Variants in NDUFA10 observed in about 807,000 individuals in gnomAD.
NDUFA10 encodes NADH:ubiquinone oxidoreductase subunit A10.
Under a neutral mutation model 47.8 loss-of-function variants are expected in NDUFA10, and 40 were observed. The ratio of observed to expected loss-of-function variants is 0.84; its 90% CI spans 0.65 to 1.09. The LOEUF (loss-of-function observed/expected upper bound fraction) is 1.09, where lower values mean the gene tolerates loss of function less well. Among genes scored for constraint, NDUFA10 ranks in the 50% least tolerant of loss-of-function variants. The pLI, the probability that NDUFA10 is intolerant of heterozygous loss-of-function variation, is 0.00. For missense variants in NDUFA10, 413 were observed against 451.1 expected, an observed-to-expected ratio of 0.92 and a Z score of 0.76; for synonymous variants, 183 against 172.2, an observed-to-expected ratio of 1.06 and a Z score of -0.49.
At chr2:239,940,922 A>G (rs755780427) in intron 4 of NDUFA10, among the ~76,000 whole-genome samples, 3 of 152,202 alleles carry the variant, frequency 2.0e-5, no homozygotes, top group Non-Finnish European at 4.4e-5. Flanking sequence ...GTAGAATCCA[A>G]TAACCTTGAG....
rs187239178 is a variant in NDUFA10, at chr2:239,917,560, G to A, written c.295-22246C>T. ...ATGGAATAAGCCATGCTAGGCACGA[G>A]AGAAAAACCTAGATAACGGACATCT... On this transcript the variant is annotated intron_variant, in intron 4 of 5. Coordinates refer to the NDUFA10 transcript ENST00000419408. Among the ~76,000 whole-genome samples the A allele has an allele frequency of 1.2e-4, 18 of 152,330 alleles. No homozygotes were observed. In the East Asian group the frequency reaches 3.1e-3, roughly 26 times the overall value.
intron 4 of NDUFA10, among the ~76,000 whole-genome samples, chr2:239,915,599 T>TAC (rs528123556): frequency 3.0e-3 from 363 of 121,324 alleles, no homozygotes; most frequent in Non-Finnish European, 5.2e-3. Context: ...GAGATACACA[T>TAC]ACACACACAC....
chr2:239,999,798 G>A (rs1696631919), intron 8 of NDUFA10, among the ~76,000 whole-genome samples: 2 of 152,272 alleles, frequency 1.3e-5, no homozygotes, highest in South Asian at 4.1e-4. Context: ...GATGGAGAGT[G>A]CACAACAGAG....
At position 239,959,930 on chromosome 2, in the gene NDUFA10, T is replaced by C; in HGVS notation, c.*1188A>G. On this transcript the variant is annotated 3_prime_UTR_variant, in exon 10 of 10. Coordinates refer to ENST00000252711, the MANE Select transcript of NDUFA10 (RefSeq NM_004544.4). Reference sequence around the variant, plus strand: ...CATGCTCCGCAGCAGCGAGGCCTGGTAGAGCTTCCGCGGGGAGCAGAGCAT... The same window carrying C: ...CATGCTCCGCAGCAGCGAGGCCTGGCAGAGCTTCCGCGGGGAGCAGAGCAT... The C allele has an allele frequency of 3.0e-6, 3 of 985,424 alleles. No homozygotes were observed. Among genetic ancestry groups the C allele is most frequent in the African/African-American group, 1.7e-5 (1 of 57,352 alleles). The allele number at this position is 985,424 out of a possible 1,614,324, so 61.0% of individuals were successfully genotyped here. A position where few individuals can be genotyped will look rare whatever the true frequency, so the allele number is the denominator to read the frequency against.
At chr2:239,921,829 CG>C (rs1392241596) in intron 4 of NDUFA10, among the ~76,000 whole-genome samples, 1 of 152,038 alleles carries the variant, frequency 6.6e-6, no homozygotes, top group Non-Finnish European at 1.5e-5. Flanking sequence ...AGGGTGGGGA[CG>C]GGACACTGCT....
Position 239,941,985 on chromosome 2 carries a change from C to T in NDUFA10, c.295-46671G>A, listed in dbSNP as rs10178484. On this transcript the variant is annotated intron_variant, in intron 4 of 5. Coordinates refer to the NDUFA10 transcript ENST00000419408. ...TTTTCTGCACCAAAACAGTATGGAC[C>T]TTAGATTTTAAAATCCTCTGAAATG... 7.7e-3 allele frequency among the ~76,000 whole-genome samples: 1,179 copies of T among 152,206 alleles called. 17 individuals carry two copies. The highest frequency in any genetic ancestry group is 0.027 in the African/African-American group (1,132 of 41,544).
At chr2:239,896,541 G>T (rs148629607) in intron 4 of NDUFA10, among the ~76,000 whole-genome samples, 1 of 152,212 alleles carries the variant, frequency 6.6e-6, no homozygotes, top group Non-Finnish European at 1.5e-5. Flanking sequence ...GTGGGGCCAC[G>T]GAAGGGAGGA....
chr2:240,011,853 C>T, intron 5 of NDUFA10, 157 bp from the exon 6 acceptor site: 2 of 694,922 alleles, frequency 2.9e-6, no homozygotes, highest in South Asian at 1.5e-5. Context: ...AGGGTCCCAA[C>T]ATCAGCTAGA....
At chr2:239,985,580 G>A (rs1395322672) in intron 9 of NDUFA10, among the ~76,000 whole-genome samples, 1 of 152,080 alleles carries the variant, frequency 6.6e-6, no homozygotes, top group Non-Finnish European at 1.5e-5. Flanking sequence ...AAAGAGAGCA[G>A]AGAGAAAATA....
At chr2:239,929,120 C>A (rs964138255) in intron 4 of NDUFA10, among the ~76,000 whole-genome samples, 7 of 152,214 alleles carry the variant, frequency 4.6e-5, no homozygotes, top group Non-Finnish European at 1.0e-4. Flanking sequence ...GAGATCGTAA[C>A]AAGATCGCCA....
Position 239,949,198 on chromosome 2 carries a change from T to C in NDUFA10, c.294+40876A>G, listed in dbSNP as rs546071896. Among the ~76,000 whole-genome samples, 3 of 152,264 alleles carry C rather than the reference T, an allele frequency of 2.0e-5. No homozygotes were observed. The East Asian group carries it at 5.8e-4, about 29-fold the overall frequency. On this transcript the variant is annotated intron_variant, in intron 4 of 5. Transcript: ENST00000419408. Reference sequence around the variant, plus strand: ...CGACTTCTTCCAACACTGATACGGATAGGAGCTTGGGGCAGGAATGAGCAC... The same window carrying C: ...CGACTTCTTCCAACACTGATACGGACAGGAGCTTGGGGCAGGAATGAGCAC...
intron 4 of NDUFA10, among the ~76,000 whole-genome samples, chr2:239,937,926 A>G (rs893860854): frequency 5.3e-5 from 8 of 152,216 alleles, no homozygotes; most frequent in African/African-American, 4.8e-5. Flanking sequence ...GACTGCTCAC[A>G]GCACCCCAAT....
intron 8 of NDUFA10, among the ~76,000 whole-genome samples, chr2:240,000,845 C>CA (rs1235060048): frequency 2.6e-5 from 4 of 152,254 alleles, no homozygotes; most frequent in Non-Finnish European, 4.4e-5. Flanking sequence ...CAACAGGCTC[C>CA]ACCACACCAC....
At chr2:239,900,928 G>A (rs980117274) in intron 4 of NDUFA10, among the ~76,000 whole-genome samples, 3 of 152,338 alleles carry the variant, frequency 2.0e-5, no homozygotes, top group South Asian at 4.1e-4. Flanking sequence ...TGATGGAGAC[G>A]CTGCAGCAAG....
intron 8 of NDUFA10, among the ~76,000 whole-genome samples, chr2:240,001,973 A>G (rs1013372760): frequency 1.3e-5 from 2 of 152,184 alleles, no homozygotes; most frequent in African/African-American, 4.8e-5. Flanking sequence ...AGGATGCAGA[A>G]TATTTATTCA....
chr2:239,962,232 CACA>C, intron 9 of NDUFA10, among the ~76,000 whole-genome samples: 1 of 152,178 alleles, frequency 6.6e-6, no homozygotes, highest in South Asian at 2.1e-4. Context: ...CACACACACA[CACA>C]CACACCCCTT....
chr2:239,998,804 G>A (rs1696588688), intron 8 of NDUFA10, among the ~76,000 whole-genome samples: 1 of 152,208 alleles, frequency 6.6e-6, no homozygotes, highest in African/African-American at 2.4e-5. Context: ...CAATCAATGT[G>A]TCAGTGTCCC....
chr2:239,966,384 G>A (rs1349481554), intron 9 of NDUFA10, among the ~76,000 whole-genome samples: 1 of 152,200 alleles, frequency 6.6e-6, no homozygotes, highest in Admixed American at 6.5e-5. Flanking sequence ...ATTTGTACTA[G>A]CAGATACAAA....
intron 4 of NDUFA10, among the ~76,000 whole-genome samples, chr2:239,914,010 G>A (rs1693797956): frequency 6.6e-6 from 1 of 152,202 alleles, no homozygotes; most frequent in Non-Finnish European, 1.5e-5. Context: ...TGAGGCGGAC[G>A]TGGACTTAGC....
Sources: allele counts gnomAD v4.1 joint callset (sites outside exome capture counted in the v4.1 genomes callset), GRCh38; gene constraint gnomAD v4.1.1; transcripts MANE v1.5; gene names NCBI Gene and HGNC (gene_info 2026-07-23, HGNC 2026-07-21).